Variants in PRKD1 observed in about 807,000 individuals in gnomAD.
PRKD1 encodes the protein protein kinase D1.
A neutral mutation model predicts 95.9 loss-of-function variants in PRKD1; 63 were observed. The ratio of observed to expected loss-of-function variants is 0.66; its 90% CI spans 0.54 to 0.81. The LOEUF is 0.81. Among genes scored for constraint, PRKD1 ranks in the 30% least tolerant of loss-of-function variants. PRKD1 has a pLI of 0.00. For synonymous variants in PRKD1, 425 were observed against 423.1 expected, an observed-to-expected ratio of 1.00 and a Z score of -0.05; for missense variants, 1,048 against 1,165.3, an observed-to-expected ratio of 0.90 and a Z score of 1.47.
rs776120835 is a variant in PRKD1 at position 29,666,063 on chromosome 14, A to G, written c.535+14T>C. The stretch of plus-strand genomic sequence containing the variant: ...CAGCACACATTTAACTTGCATGGGA[A>G]GAAAATAACTTACCTTCACATTTAA... On this transcript the variant is annotated intron_variant, in intron 3 of 17. Transcript: ENST00000331968. 1 of 1,575,798 alleles carries G rather than the reference A, an allele frequency of 6.3e-7. No homozygotes were observed. Among genetic ancestry groups the G allele is most frequent in the South Asian group, 1.2e-5 (1 of 85,214 alleles).
intron 1 of PRKD1, among the ~76,000 whole-genome samples, chr14:29,826,678 T>TACAC (rs1891146094): frequency 1.4e-5 from 1 of 71,226 alleles, no homozygotes; most frequent in East Asian, 4.4e-4. Context: ...TATGTGTATA[T>TACAC]ATATATACAC....
chr14:29,878,831 T>C (rs946961087), intron 1 of PRKD1, among the ~76,000 whole-genome samples: 1 of 152,146 alleles, frequency 6.6e-6, no homozygotes, highest in Non-Finnish European at 1.5e-5. Flanking sequence ...TGGAATTAGA[T>C]AATCATGATG....
chr14:29,833,867 C>A (rs1891509778), intron 1 of PRKD1, among the ~76,000 whole-genome samples: 1 of 151,552 alleles, frequency 6.6e-6, no homozygotes. Flanking sequence ...AGACCCATTA[C>A]AGACTAGACA....
chr14:29,776,311 T>C (rs781042357), intron 1 of PRKD1, among the ~76,000 whole-genome samples: 15 of 152,020 alleles, frequency 9.9e-5, no homozygotes, highest in Non-Finnish European at 1.8e-4. Context: ...CTTTGATGAG[T>C]TGAGAGAAGA....
At chr14:29,661,696 A>G (rs1266273269) in intron 4 of PRKD1, among the ~76,000 whole-genome samples, 1 of 152,176 alleles carries the variant, frequency 6.6e-6, no homozygotes, top group East Asian at 1.9e-4. Flanking sequence ...CAGTGTGTCA[A>G]ATAGTGTCAC....
In PRKD1 at chr14:29,717,971, A is replaced by G. The variant is rs116795906; in HGVS notation, c.403+7565T>C. Among the ~76,000 whole-genome samples the G allele has an allele frequency of 3.1e-3, 472 of 152,264 alleles. 2 individuals are homozygous for G. Among genetic ancestry groups the G allele is most frequent in the African/African-American group, 0.011 (441 of 41,554 alleles). On this transcript the variant is annotated intron_variant, in intron 2 of 17. Coordinates refer to ENST00000331968, the MANE Select transcript of PRKD1 (RefSeq NM_002742.3). The stretch of plus-strand genomic sequence containing the variant: ...GAGAATCCATTTTATCAGGAGATAA[A>G]TAACCAAGAAAACTATCAAAGTGAG...
intron 1 of PRKD1, among the ~76,000 whole-genome samples, chr14:29,827,624 T>G (rs1246934579): frequency 1.3e-5 from 2 of 152,282 alleles, no homozygotes; most frequent in African/African-American, 4.8e-5. Flanking sequence ...AAATTCTTAT[T>G]TTAAAAAGAC....
chr14:29,610,067 C>T (rs1024669777), intron 13 of PRKD1, among the ~76,000 whole-genome samples: 1 of 142,814 alleles, frequency 7.0e-6, no homozygotes, highest in Non-Finnish European at 1.5e-5. Context: ...CTTATAAATA[C>T]TCTCTCATCA....
chr14:29,614,344 T>C (rs1878698301), intron 13 of PRKD1, among the ~76,000 whole-genome samples: 1 of 152,102 alleles, frequency 6.6e-6, no homozygotes. Flanking sequence ...AGAATAAAAA[T>C]GAACTACTGA....
chr14:29,927,402 C>CGGCGCG lies in PRKD1; in HGVS notation c.105_110dup (p.Ala36_Pro37dup). On this transcript the variant is annotated inframe_insertion, in exon 1 of 18. Coordinates refer to ENST00000331968, the MANE Select transcript of PRKD1 (RefSeq NM_002742.3). ...CCGGGGCCGCGACAGGAGCCAAGAACGGCGCGGGCCCGGGCCCGGACCCTG... is the reference window on the plus strand; with the variant it reads ...CCGGGGCCGCGACAGGAGCCAAGAACGGCGCGGGCGCGGGCCCGGGCCCGGACCCTG... 2.0e-6 allele frequency: 3 copies of CGGCGCG among 1,523,680 alleles called. No individual in the cohort carries two copies. The highest frequency in any genetic ancestry group is 2.7e-5 in the East Asian group (1 of 36,862). 94.4% of individuals were successfully genotyped at this position (1,523,680 alleles called of 1,614,324 possible). A position where few individuals can be genotyped will look rare whatever the true frequency, so the allele number is the denominator to read the frequency against.
At chr14:29,784,610 C>T (rs537681849) in intron 1 of PRKD1, among the ~76,000 whole-genome samples, 4 of 152,162 alleles carry the variant, frequency 2.6e-5, no homozygotes, top group East Asian at 1.9e-4. Flanking sequence ...GCTTTCACTT[C>T]GAGATCTGAG....
intron 1 of PRKD1, among the ~76,000 whole-genome samples, chr14:29,741,931 A>G (rs1361960750): frequency 2.0e-5 from 3 of 152,088 alleles, no homozygotes; most frequent in African/African-American, 7.2e-5. Flanking sequence ...GCTAGAATCA[A>G]GCAAGGGCCA....
intron 1 of PRKD1, among the ~76,000 whole-genome samples, chr14:29,783,550 A>C (rs1889141558): frequency 1.3e-5 from 2 of 152,174 alleles, no homozygotes; most frequent in Non-Finnish European, 2.9e-5. Flanking sequence ...TGGTGGTTCC[A>C]TTTTAAGTTT....
intron 1 of PRKD1, among the ~76,000 whole-genome samples, chr14:29,735,964 T>G (rs1158861135): frequency 1.3e-5 from 2 of 152,220 alleles, no homozygotes; most frequent in Non-Finnish European, 2.9e-5. Flanking sequence ...AGCTATCATT[T>G]AAACACTATA....
intron 1 of PRKD1, among the ~76,000 whole-genome samples, chr14:29,907,870 A>T (rs1894547167): frequency 6.6e-6 from 1 of 152,222 alleles, no homozygotes; most frequent in Admixed American, 6.5e-5. Flanking sequence ...AAACATGTAT[A>T]GAGATGTATA....
intron 1 of PRKD1, among the ~76,000 whole-genome samples, chr14:29,800,606 C>A (rs1889987121): frequency 6.6e-6 from 1 of 152,090 alleles, no homozygotes; most frequent in African/African-American, 2.4e-5. Flanking sequence ...ACTTGCTTTA[C>A]CTTATGAAAA....
At chr14:29,678,503 T>C (rs1883356943) in intron 2 of PRKD1, among the ~76,000 whole-genome samples, 2 of 152,192 alleles carry the variant, frequency 1.3e-5, no homozygotes, top group Non-Finnish European at 2.9e-5. Context: ...AGTTTCTGCT[T>C]GTGTTTGACA....
chr14:29,778,068 C>A (rs1480031338), intron 1 of PRKD1, among the ~76,000 whole-genome samples: 1 of 152,174 alleles, frequency 6.6e-6, no homozygotes, highest in African/African-American at 2.4e-5. Flanking sequence ...TAAATGAAAG[C>A]AGAAATAAAG....
At chr14:29,781,382 A>G (rs932981587) in intron 1 of PRKD1, among the ~76,000 whole-genome samples, 1 of 152,226 alleles carries the variant, frequency 6.6e-6, no homozygotes, top group Admixed American at 6.5e-5. Flanking sequence ...CAGAGGTCCT[A>G]TCACTGACAG....
Sources: gnomAD v4.1 joint callset for allele counts (sites outside exome capture counted in the v4.1 genomes callset) on GRCh38, gnomAD v4.1.1 for gene constraint, MANE v1.5 for transcripts, NCBI Gene and HGNC (gene_info 2026-07-23, HGNC 2026-07-21) for gene names.